The following TNXB variants were observed in gnomAD, a reference collection of about 807,000 sequenced individuals.
TNXB encodes tenascin XB, also known as tenascin-X.
A neutral mutation model predicts 340.5 loss-of-function variants in TNXB; 183 were observed. The observed-to-expected ratio is 0.54, with a 90% CI of 0.48 to 0.61. The LOEUF (loss-of-function observed/expected upper bound fraction) is 0.61. TNXB is among the 20% of genes least tolerant of loss of function. The pLI, the probability that TNXB is intolerant of heterozygous loss-of-function variation, is 0.00. For synonymous variants in TNXB, 2,121 were observed against 2,314.5 expected (o/e 0.92, Z 2.40); for missense variants, 4,613 against 5,446.4 (o/e 0.85, Z 4.82).
Position 32,049,099 on chromosome 6 carries a change from T to A in TNXB, c.9757+171A>T, listed in dbSNP as rs555613989. On this transcript the variant is annotated intron_variant, in intron 28 of 43. Transcript: ENST00000644971. The surrounding 1 kb of genome is among the most constrained non-coding windows in gnomAD (Gnocchi z 4.5). Reference sequence around the variant, plus strand: ...AAACAGGGCATGGACTACCTGCCCATCTGACTCCACACAGTCTCCATGAAT... The same window carrying A: ...AAACAGGGCATGGACTACCTGCCCAACTGACTCCACACAGTCTCCATGAAT... Among the ~76,000 whole-genome samples, 3 of 152,324 alleles carry A rather than the reference T, an allele frequency of 2.0e-5. No individual in the cohort carries two copies. The highest frequency in any genetic ancestry group is 4.4e-5 in the Non-Finnish European group (3 of 68,036).
rs2151915422 is a variant in TNXB at position 32,069,077 on chromosome 6, G to A, written c.5647C>T (p.His1883Tyr). ...TAPTPPAPEP[H>Y]LGELTVEEAT... ...TCCTCCACTGTCAACTCCCCGAGGT[G>A]GGGCTCAGGCGCTGGAGGGGTCGGG... Residue 1883 changes from histidine to tyrosine, a missense_variant, in exon 16 of 44, where the codon CAC (histidine) becomes TAC (tyrosine). Around this residue, in one of 7 missense-constraint regions of TNXB, gnomAD observed 4,327 missense variants for 4,859.4 expected, o/e 0.89. Transcript: ENST00000644971. This position sits in a 1 kb window ranked among gnomAD's most constrained non-coding sequence, Gnocchi z 6.2. 6.2e-7 allele frequency: 1 copy of A among 1,612,782 alleles called. No individual in the cohort carries two copies. Among genetic ancestry groups the A allele is most frequent in the African/African-American group, 1.3e-5 (1 of 75,072 alleles).
Position 32,052,854 on chromosome 6 carries a change from G to T in TNXB, c.8931C>A (p.Gly2977=). The change falls in exon 26 of 44, where the codon GGC becomes GGA. Residue 2977 remains glycine, a synonymous_variant. Transcript: ENST00000644971. The surrounding 1 kb of genome is among the most constrained non-coding windows in gnomAD (Gnocchi z 4.7). ...ACTGCACAGTGAAGGAGTCGAAGCG[G>T]CCCTGGGGGATGGTCCAGGAGAGGC... ...SLSLSWTIPQ[G]RFDSFTVQYK... 1 of 1,613,408 alleles carries T rather than the reference G, an allele frequency of 6.2e-7. No individual in the cohort carries two copies. Among genetic ancestry groups the T allele is most frequent in the Non-Finnish European group, 8.5e-7 (1 of 1,179,896 alleles).
Position 32,096,521 on chromosome 6 carries a change from G to C in TNXB, c.1332C>G (p.Arg444=). ...TGCAAACACACACGCCGTTCTCGCAGCGCCCGCGACCTCTACAGTCGCGTG... is the reference window on the plus strand; with the variant it reads ...TGCAAACACACACGCCGTTCTCGCACCGCCCGCGACCTCTACAGTCGCGTG... ...ACPRDCRGRG[R]CENGVCVCNA... is the part of the protein sequence containing the mutation. Residue 444 remains arginine, a synonymous_variant, in exon 3 of 44, where the codon CGC becomes CGG. Transcript: ENST00000644971. The C allele has an allele frequency of 6.3e-7, 1 of 1,598,972 alleles. No homozygotes were observed. The highest frequency in any genetic ancestry group is 1.1e-5 in the South Asian group (1 of 90,076).
chr6:32,043,549 G>A lies in TNXB; in HGVS notation c.11538C>T (p.Asp3846=), dbSNP rs773045601. Residue 3846 remains aspartate, a synonymous_variant, in exon 36 of 44, where the codon GAC becomes GAT. Coordinates refer to ENST00000644971, the MANE Select transcript of TNXB (RefSeq NM_001365276.2). ...PLTGFLTTVP[D]GPTQLRALNL... ...TCAGTGCACGCAACTGTGTGGGACC[G>A]TCAGGAACTGGGGGAAGGGGAGGGG... 6.9e-6 allele frequency: 7 copies of A among 1,008,020 alleles called. No individual in the cohort carries two copies. The highest frequency in any genetic ancestry group is 2.6e-5 in the South Asian group (2 of 76,014). The allele number at this position is 1,008,020 out of a possible 1,614,324, so 62.4% of individuals were successfully genotyped here.
intron 23 of TNXB, 31 bp from the exon 24 acceptor site, chr6:32,056,205 G>C: frequency 6.3e-7 from 1 of 1,595,218 alleles, no homozygotes; most frequent in Non-Finnish European, 8.6e-7. Context: ...GAGGATGCCA[G>C]GTGCCTGGGG....
At position 32,068,955 on chromosome 6, in the gene TNXB, T is replaced by G; in HGVS notation, c.5769A>C (p.Gln1923His). The part of the protein sequence containing the change: ...IQYTDRDGQL[Q>H]MVRIGGDRND... ...TCCGGTCACCTCCTATGCGGACCAT[T>G]TGGAGTTGCCCGTCTCTATCTGTGT... Residue 1923 changes from glutamine (Q) to histidine (H), a missense_variant, in exon 16 of 44, where the codon CAA becomes CAC. Physicochemically the swap from Gln to His is conservative, Grantham distance 24. Around this residue, in one of 7 missense-constraint regions of TNXB, gnomAD observed 4,327 missense variants for 4,859.4 expected, o/e 0.89. Coordinates refer to ENST00000644971, the MANE Select transcript of TNXB (RefSeq NM_001365276.2). This position sits in a 1 kb window ranked among gnomAD's most constrained non-coding sequence, Gnocchi z 5.3. 6.2e-7 allele frequency: 1 copy of G among 1,612,812 alleles called. No individual in the cohort carries two copies. The highest frequency in any genetic ancestry group is 1.1e-5 in the South Asian group (1 of 91,078).
At position 32,047,798 on chromosome 6, in the gene TNXB, C is replaced by G; in HGVS notation, c.10260G>C (p.Arg3420Ser). 1.2e-6 allele frequency: 2 copies of G among 1,610,446 alleles called. No homozygotes were observed. Among genetic ancestry groups the G allele is most frequent in the Middle Eastern group, 1.6e-4 (1 of 6,062 alleles). The part of the protein sequence containing the change: ...VQGLEPSRKY[R>S]FLLYGLSGRK... The stretch of plus-strand genomic sequence containing the variant: ...TGCCTGACAGACCATAGAGCAGGAA[C>G]CTGTATTTCCTACTGGGCTCCAGGC... The change falls in exon 30 of 44, where the codon AGG (arginine) becomes AGC (serine). Residue 3420 changes from arginine (R) to serine (S), a missense_variant. This residue lies in a region of TNXB where 4,327 missense variants were observed against 4,859.4 expected (regional missense o/e 0.89). Transcript: ENST00000644971. The surrounding 1 kb of genome is among the most constrained non-coding windows in gnomAD (Gnocchi z 6.2).
rs1276316654 is a variant in TNXB at position 32,056,828 on chromosome 6, A to G, written c.7901T>C (p.Leu2634Pro). 2 of 1,612,972 alleles carry G rather than the reference A, an allele frequency of 1.2e-6. No homozygotes were observed. The highest frequency in any genetic ancestry group is 2.2e-5 in the South Asian group (2 of 91,070). Residue 2634 changes from leucine (L) to proline (P), a missense_variant, in exon 23 of 44, where the codon CTG becomes CCG. By Grantham distance (98) the Leu-to-Pro change is moderately conservative. Coordinates refer to ENST00000644971, the MANE Select transcript of TNXB (RefSeq NM_001365276.2). ...GTCAGGGGTGGCATCTGTCATGGTC[A>G]GCTCCCCCAGGCGAGGCTTGATGGG... ...EPPIKPRLGE[L>P]TMTDATPDSL...
chr6:32,056,854 G>C lies in TNXB; in HGVS notation c.7875C>G (p.Pro2625=). 6 of 1,612,884 alleles carry C rather than the reference G, an allele frequency of 3.7e-6. No homozygotes were observed. Among genetic ancestry groups the C allele is most frequent in the Non-Finnish European group, 5.1e-6 (6 of 1,179,766 alleles). The change falls in exon 23 of 44, where the codon CCC becomes CCG. Residue 2625 remains proline (P), a synonymous_variant. Transcript: ENST00000644971. ...TQAVPTMTPE[P]PIKPRLGELT... ...GCTCCCCCAGGCGAGGCTTGATGGG[G>C]GGCTCAGGGGTCATGGTAGGCACTG...
intron 4 of TNXB, among the ~76,000 whole-genome samples, chr6:32,093,698 A>C (rs1249918779): frequency 6.6e-6 from 1 of 152,176 alleles, no homozygotes; most frequent in Non-Finnish European, 1.5e-5. Flanking sequence ...GCAGCTGGGG[A>C]AACGACCATA....
At position 32,090,827 on chromosome 6, in the gene TNXB, T is replaced by C. The variant is rs1323549372; in HGVS notation, c.2359-1448A>G. 6.6e-6 allele frequency among the ~76,000 whole-genome samples: 1 copy of C among 152,164 alleles called. No homozygotes were observed. The highest frequency in any genetic ancestry group is 1.5e-5 in the Non-Finnish European group (1 of 68,022). On this transcript the variant is annotated intron_variant, in intron 4 of 43. Coordinates refer to ENST00000644971, the MANE Select transcript of TNXB (RefSeq NM_001365276.2). The surrounding 1 kb of genome is among the most constrained non-coding windows in gnomAD (Gnocchi z 4.3). ...CATGAAATCCTTACCCTTCCCAGAA[T>C]TTATTTGTTCATTTTCTCTGTGTGT...
rs1778824128 is a variant in TNXB, at chr6:32,072,280, G to A, written c.4700C>T (p.Pro1567Leu). 5 of 1,599,844 alleles carry A rather than the reference G, an allele frequency of 3.1e-6. No homozygotes were observed. The South Asian group carries it at 4.5e-5, about 14-fold the overall frequency. The change falls in exon 13 of 44, where the codon CCA becomes CTA. Residue 1567 changes from proline (P) to leucine (L), a missense_variant. Around this residue, in one of 7 missense-constraint regions of TNXB, gnomAD observed 4,327 missense variants for 4,859.4 expected, o/e 0.89. Coordinates refer to ENST00000644971, the MANE Select transcript of TNXB (RefSeq NM_001365276.2). The surrounding 1 kb of genome is among the most constrained non-coding windows in gnomAD (Gnocchi z 4.4). ...GGGAGGCTTGGAGGCCTCTGTGGCT[G>A]GGGCTGGTGGGAGGGGAGCTGGGAT... Reference protein sequence around the residue: ...VIVTAPLPPAPATEASKPPLE... With the variant: ...VIVTAPLPPALATEASKPPLE...
At chr6:32,088,757 C>A (rs1356806372) in intron 6 of TNXB, 28 bp downstream of exon 6, 2 of 1,547,026 alleles carry the variant, frequency 1.3e-6, no homozygotes, top group Non-Finnish European at 1.7e-6. Flanking sequence ...GAAACCAGGG[C>A]CCTTCCCTAA....
chr6:32,059,784 T>C (rs546558221), intron 21 of TNXB, among the ~76,000 whole-genome samples: 2 of 152,036 alleles, frequency 1.3e-5, no homozygotes, highest in African/African-American at 4.8e-5. Flanking sequence ...TGGATGGCCT[T>C]TGGGAGATGA....
intron 1 of TNXB, among the ~76,000 whole-genome samples, chr6:32,103,725 A>G (rs1199218253): frequency 7.2e-6 from 1 of 138,648 alleles, no homozygotes; most frequent in African/African-American, 2.7e-5. Flanking sequence ...AGTTCACCGC[A>G]TCTTTTTTTT....
intron 22 of TNXB, among the ~76,000 whole-genome samples, 167 bp from the exon 23 acceptor site, chr6:32,057,070 C>G (rs918600614): frequency 6.6e-6 from 1 of 151,996 alleles, no homozygotes; most frequent in South Asian, 2.1e-4. Context: ...TTTCCTATCC[C>G]TCACCCTGAC....
In TNXB at chr6:32,096,716, GC is replaced by G; in HGVS notation, c.1136del (p.Gly379AlafsTer192). Reference protein sequence around the residue: ...STRTCPRDCRGRGRCEDGECI... With the variant: ...STRTCPRDCRXRGRCEDGECI... ...ATTCGCCGTCCTCGCAGCGCCCGCG[GC>G]CCCGGCAGTCCCTCGGACATGTCCG... On this transcript the variant is annotated frameshift_variant, in exon 3 of 44. Coordinates refer to ENST00000644971, the MANE Select transcript of TNXB (RefSeq NM_001365276.2). LOFTEE classifies it high-confidence loss of function. 6.5e-7 allele frequency: 1 copy of G among 1,547,596 alleles called. No homozygotes were observed. The highest frequency in any genetic ancestry group is 8.7e-7 in the Non-Finnish European group (1 of 1,149,582).
At chr6:32,107,787 G>A (rs995631453) in intron 1 of TNXB, among the ~76,000 whole-genome samples, 6 of 152,050 alleles carry the variant, frequency 3.9e-5, no homozygotes, top group African/African-American at 1.2e-4. Context: ...TTCTGGTCCT[G>A]CCCCCATGCC....
Position 32,082,463 on chromosome 6 carries a change from G to A in TNXB, c.3446-137C>T, listed in dbSNP as rs1384217050. On this transcript the variant is annotated intron_variant, in intron 8 of 43. Transcript: ENST00000644971. The surrounding 1 kb of genome is among the most constrained non-coding windows in gnomAD (Gnocchi z 5.0). ...AGTGCATTTGCTGAGGGAGTACAGAGGGACTGAAATCCAGCCAGCACTCTG... is the reference window on the plus strand; with the variant it reads ...AGTGCATTTGCTGAGGGAGTACAGAAGGACTGAAATCCAGCCAGCACTCTG... 5 of 900,082 alleles carry A rather than the reference G, an allele frequency of 5.6e-6. No homozygotes were observed. The highest frequency in any genetic ancestry group is 8.3e-6 in the Non-Finnish European group (5 of 602,434). The allele number at this position is 900,082 out of a possible 1,614,324, so 55.8% of individuals were successfully genotyped here. A position where few individuals can be genotyped will look rare whatever the true frequency, so the allele number is the denominator to read the frequency against.
Sources: allele counts gnomAD v4.1 joint callset (sites outside exome capture counted in the v4.1 genomes callset), GRCh38; gene constraint gnomAD v4.1.1; regional missense constraint gnomAD v4.1.1; non-coding constraint Gnocchi (gnomAD v3.1); transcripts MANE v1.5; gene names NCBI Gene and HGNC (gene_info 2026-07-23, HGNC 2026-07-21).